The following KIAA0753 variants were observed in gnomAD, a reference collection of about 807,000 sequenced individuals.
The protein encoded by KIAA0753 is KIAA0753, also known as protein moonraker.
Under a neutral mutation model 116.9 loss-of-function variants are expected in KIAA0753, and 114 were observed. The observed-to-expected ratio is 0.98, with a 90% CI of 0.84 to 1.14. The LOEUF (loss-of-function observed/expected upper bound fraction) is 1.14, where lower values mean the gene tolerates loss of function less well. Among genes scored for constraint, KIAA0753 ranks in the 50% most tolerant of loss-of-function variants. The pLI is 0.00. For synonymous variants in KIAA0753, 405 were observed against 413.1 expected, an observed-to-expected ratio of 0.98 and a Z score of 0.24; for missense variants, 1,156 against 1,172.4, an observed-to-expected ratio of 0.99 and a Z score of 0.20.
chr17:6,591,501 G>A (rs985493436), intron 16 of KIAA0753, among the ~76,000 whole-genome samples: 1 of 152,166 alleles, frequency 6.6e-6, no homozygotes, highest in Admixed American at 6.5e-5. Flanking sequence ...GTTTTGTGAT[G>A]AAATTAAACA....
rs921424763 is a variant in KIAA0753 at position 6,619,957 on chromosome 17, A to G, written c.1315+831T>C. On this transcript the variant is annotated intron_variant, in intron 7 of 18. Transcript: ENST00000361413. ...ATGTTTACAATTTTAAAATGTTACA[A>G]TTAACTACAAGTTGTCATCAATTAA... is the stretch of plus-strand genomic sequence containing the variant. Among the ~76,000 whole-genome samples, 8 of 152,362 alleles carry G rather than the reference A, an allele frequency of 5.3e-5. No individual in the cohort carries two copies. The East Asian group carries it at 9.6e-4, about 18-fold the overall frequency.
intron 13 of KIAA0753, among the ~76,000 whole-genome samples, chr17:6,599,753 A>C (rs1283280380): frequency 6.6e-6 from 1 of 152,190 alleles, no homozygotes; most frequent in Non-Finnish European, 1.5e-5. Context: ...TCTCTAACTA[A>C]AAATAGAGAA....
chr17:6,581,310 T>G (rs1968164906), intron 18 of KIAA0753, among the ~76,000 whole-genome samples: 1 of 151,956 alleles, frequency 6.6e-6, no homozygotes, highest in African/African-American at 2.4e-5. Context: ...TCAATTTGGG[T>G]TTTTTCCTTA....
chr17:6,620,044 A>G (rs932731802), intron 7 of KIAA0753, among the ~76,000 whole-genome samples: 1 of 152,262 alleles, frequency 6.6e-6, no homozygotes, highest in Non-Finnish European at 1.5e-5. Context: ...ATCCTAACAT[A>G]TACATCCATA....
intron 10 of KIAA0753, among the ~76,000 whole-genome samples, chr17:6,607,577 G>A (rs1466549026): frequency 3.3e-5 from 5 of 152,112 alleles, no homozygotes; most frequent in Admixed American, 3.3e-4. Flanking sequence ...TCTTCAAGTT[G>A]AGACAAACAA....
At chr17:6,593,461 C>A (rs1969230890) in intron 16 of KIAA0753, among the ~76,000 whole-genome samples, 2 of 152,108 alleles carry the variant, frequency 1.3e-5, no homozygotes, top group East Asian at 3.9e-4. Flanking sequence ...CCTGGAATCC[C>A]AGCACTTCCG....
intron 18 of KIAA0753, among the ~76,000 whole-genome samples, chr17:6,585,870 ATC>A (rs1431614340): frequency 6.6e-6 from 1 of 152,122 alleles, no homozygotes; most frequent in African/African-American, 2.4e-5. Context: ...ATATCTGGTC[ATC>A]TCAGGTCATC....
chr17:6,634,966 T>G, intron 2 of KIAA0753, 45 bp downstream of exon 2: 1 of 1,252,212 alleles, frequency 8.0e-7, no homozygotes, highest in Non-Finnish European at 1.2e-6. Context: ...AAATTTTATG[T>G]TTGAAATATT....
At chr17:6,595,561 T>G (rs1969407020) in intron 15 of KIAA0753, among the ~76,000 whole-genome samples, 1 of 152,228 alleles carries the variant, frequency 6.6e-6, no homozygotes, top group Admixed American at 6.5e-5. Context: ...TTAATCATGG[T>G]GCGATGGAAA....
intron 3 of KIAA0753, among the ~76,000 whole-genome samples, chr17:6,626,184 A>G (rs1971654362): frequency 1.3e-5 from 2 of 151,014 alleles, no homozygotes; most frequent in Admixed American, 1.3e-4. Context: ...TTTGAAGAAG[A>G]TGCAATCTAT....
intron 17 of KIAA0753, 119 bp from the exon 18 acceptor site, chr17:6,590,122 G>A: frequency 1.3e-6 from 1 of 790,332 alleles, no homozygotes; most frequent in South Asian, 1.9e-5. Context: ...TTCTCACAAT[G>A]AACAAAACTG....
intron 2 of KIAA0753, among the ~76,000 whole-genome samples, chr17:6,633,477 A>G (rs773291732): frequency 2.0e-5 from 3 of 152,208 alleles, no homozygotes; most frequent in South Asian, 2.1e-4. Context: ...AAAAGGTCCA[A>G]TGGTTTGTTA....
intron 10 of KIAA0753, among the ~76,000 whole-genome samples, chr17:6,607,897 T>C (rs1176173579): frequency 6.6e-6 from 1 of 152,232 alleles, no homozygotes; most frequent in African/African-American, 2.4e-5. Context: ...CCATGAAGCC[T>C]AGACCTCTGC....
rs1276066547 is a variant in KIAA0753, at chr17:6,578,593, A to G, written c.*1154T>C. The G allele has an allele frequency of 6.6e-6, 1 of 152,248 alleles. No homozygotes were observed. Among genetic ancestry groups the G allele is most frequent in the African/African-American group, 2.4e-5 (1 of 41,452 alleles). 9.4% of individuals were successfully genotyped at this position (152,248 alleles called of 1,614,324 possible). A position where few individuals can be genotyped will look rare whatever the true frequency, so the allele number is the denominator to read the frequency against. On this transcript the variant is annotated 3_prime_UTR_variant, in exon 19 of 19. Transcript: ENST00000361413. ...AAATCACCTGAAATTCTTGTACTTC[A>G]GAGAAAAATCCCAGATGACGGCACT...
At chr17:6,621,536 T>G (rs904945512) in intron 6 of KIAA0753, among the ~76,000 whole-genome samples, 51 of 152,152 alleles carry the variant, frequency 3.4e-4, no homozygotes, top group Non-Finnish European at 6.0e-4. Flanking sequence ...CTCCACCTGG[T>G]CAGGACAGAT....
intron 13 of KIAA0753, among the ~76,000 whole-genome samples, chr17:6,600,151 C>T (rs1220947525): frequency 6.6e-6 from 1 of 152,132 alleles, no homozygotes; most frequent in African/African-American, 2.4e-5. Flanking sequence ...ACTTGTTTCC[C>T]AAACTAAAAT....
chr17:6,610,163 G>T lies in KIAA0753; in HGVS notation c.1546-3C>A, dbSNP rs886038201. 39 of 1,613,824 alleles carry T rather than the reference G, an allele frequency of 2.4e-5. No individual in the cohort carries two copies. The highest frequency in any genetic ancestry group is 2.8e-5 in the Non-Finnish European group (33 of 1,179,896). On this transcript the variant is annotated splice_polypyrimidine_tract_variant and splice_region_variant and intron_variant, in intron 8 of 18. Transcript: ENST00000361413. ...CCTCTTTCAGCTTTGCGGAGTCCCT[G>T]TGAGAGATAAGTAAGAATTATAAGG...
intron 2 of KIAA0753, among the ~76,000 whole-genome samples, chr17:6,629,636 G>A (rs902258712): frequency 3.9e-5 from 6 of 152,222 alleles, no homozygotes; most frequent in South Asian, 4.1e-4. Flanking sequence ...GTCAAAGACC[G>A]GTCAATAGCC....
intron 17 of KIAA0753, 147 bp from the exon 18 acceptor site, chr17:6,590,150 C>G: frequency 2.9e-6 from 2 of 688,292 alleles, no homozygotes; most frequent in Non-Finnish European, 4.7e-6. Flanking sequence ...TAACACCATG[C>G]GTTGCTTCCC....
Sources: allele counts gnomAD v4.1 joint callset (sites outside exome capture counted in the v4.1 genomes callset), GRCh38; gene constraint gnomAD v4.1.1; transcripts MANE v1.5; gene names NCBI Gene and HGNC (gene_info 2026-07-23, HGNC 2026-07-21).